Variants in CPT2 observed in about 807,000 individuals in gnomAD.
The protein encoded by CPT2 is carnitine palmitoyltransferase 2.
CPT2 carries 37 observed loss-of-function variants against 48.6 expected under a neutral mutation model. That is an observed-to-expected ratio of 0.76 (90% CI 0.59 to 1.00). The LOEUF (loss-of-function observed/expected upper bound fraction) is 1.00, where lower values mean the gene tolerates loss of function less well. Ranked by LOEUF, CPT2 falls within the 50% of genes least tolerant of loss-of-function variation. The pLI is 0.00. For synonymous variants in CPT2, 319 were observed against 326.9 expected (o/e 0.98, Z 0.26); for missense variants, 772 against 825.6 (o/e 0.94, Z 0.80).
chr1:53,210,986 A>G lies in CPT2; in HGVS notation c.1312A>G (p.Met438Val), dbSNP rs374201361. The G allele has an allele frequency of 3.1e-6, 5 of 1,614,108 alleles. No homozygotes were observed. In the African/African-American group the frequency reaches 6.7e-5, roughly 22 times the overall value. ...TAAKEKFDAT[M>V]KTLTIDCVQF... The stretch of plus-strand genomic sequence containing the variant: ...TGCTAAGGAAAAGTTTGATGCCACC[A>G]TGAAAACCCTCACTATTGACTGCGT... The change falls in exon 4 of 5, where the codon ATG (methionine) becomes GTG (valine). Residue 438 changes from methionine (M) to valine (V), a missense_variant. Met to Val is a conservative substitution (Grantham distance 21). Transcript: ENST00000371486.
chr1:53,197,799 C>T (rs2100256343), intron 1 of CPT2, among the ~76,000 whole-genome samples: 1 of 152,252 alleles, frequency 6.6e-6, no homozygotes, highest in South Asian at 2.1e-4. Flanking sequence ...TCCTTCCTCA[C>T]CCACAGTACC....
In CPT2 at chr1:53,196,993, G is replaced by C; in HGVS notation, c.50G>C (p.Gly17Ala). ...GCCTGGCCCCGGGGCCCCGCGGTTG[G>C]TCCGGGAGCCCCCAGTCGGCCCCTC... Reference protein sequence around the residue: ...LRAWPRGPAVGPGAPSRPLSA... With the variant: ...LRAWPRGPAVAPGAPSRPLSA... The change falls in exon 1 of 5, where the codon GGT becomes GCT. Residue 17 changes from glycine (G) to alanine (A), a missense_variant. By Grantham distance (60) the Gly-to-Ala change is moderately conservative. Coordinates refer to ENST00000371486, the MANE Select transcript of CPT2 (RefSeq NM_000098.3). 6.5e-7 allele frequency: 1 copy of C among 1,531,942 alleles called. No individual in the cohort carries two copies. Among genetic ancestry groups the C allele is most frequent in the Non-Finnish European group, 8.7e-7 (1 of 1,144,418 alleles). 94.9% of individuals were successfully genotyped at this position (1,531,942 alleles called of 1,614,324 possible).
chr1:53,207,797 C>T (rs1401644653), intron 3 of CPT2: 2 of 152,144 alleles, frequency 1.3e-5, no homozygotes, highest in East Asian at 3.8e-4. Flanking sequence ...AAACTTAAGT[C>T]TTCTACAGGA....
At position 53,211,108 on chromosome 1, in the gene CPT2, G is replaced by A. The variant is rs1645423992; in HGVS notation, c.1434G>A (p.Gln478=). ...QLAFQMAFLR[Q]YGQTVATYES... Reference sequence around the variant, plus strand: ...CATTCCAGATGGCCTTCCTGCGGCAGTACGGGCAGACAGTGGCCACCTACG... The same window carrying A: ...CATTCCAGATGGCCTTCCTGCGGCAATACGGGCAGACAGTGGCCACCTACG... The change falls in exon 4 of 5, where the codon CAG becomes CAA. Residue 478 remains glutamine, a synonymous_variant. Coordinates refer to ENST00000371486, the MANE Select transcript of CPT2 (RefSeq NM_000098.3). The A allele has an allele frequency of 6.2e-7, 1 of 1,614,146 alleles. No individual in the cohort carries two copies. Among genetic ancestry groups the A allele is most frequent in the Non-Finnish European group, 8.5e-7 (1 of 1,180,012 alleles).
In CPT2 at chr1:53,211,861, A is replaced by T. The variant is rs1221930330; in HGVS notation, c.1645+542A>T. Among the ~76,000 whole-genome samples the T allele has an allele frequency of 4.0e-5, 6 of 150,976 alleles. No homozygotes were observed. The East Asian group carries it at 1.2e-3, about 30-fold the overall frequency. On this transcript the variant is annotated intron_variant, in intron 4 of 4. Coordinates refer to ENST00000371486, the MANE Select transcript of CPT2 (RefSeq NM_000098.3). ...TGATCCATCCCTCTCAGCCTCCCAA[A>T]GTTCTAGGAATACAGGCGTGAGCCA... is the stretch of plus-strand genomic sequence containing the variant.
chr1:53,211,468 C>G, intron 4 of CPT2, 149 bp downstream of exon 4: 1 of 736,174 alleles, frequency 1.4e-6, no homozygotes, highest in East Asian at 2.7e-5. Context: ...TCTACCCTAG[C>G]AGTCTGAACA....
chr1:53,200,597 G>A (rs550383681), intron 1 of CPT2, 122 bp from the exon 2 acceptor site: 31 of 799,790 alleles, frequency 3.9e-5, no homozygotes, highest in South Asian at 1.2e-4. Context: ...TTTGTCAGTC[G>A]CTTCTGATTA....
At chr1:53,208,737 G>A (rs1645402752) in intron 3 of CPT2, 1 of 152,240 alleles carries the variant, frequency 6.6e-6, no homozygotes, top group Non-Finnish European at 1.5e-5. Context: ...TGCAAGTGGA[G>A]TGTTACCATA....
chr1:53,213,526 T>C lies in CPT2; in HGVS notation c.1908T>C (p.Phe636=). ...SSYPGRNARE[F]LQCVEKALED... ...ACCCAGGCCGCAATGCCCGGGAGTT[T>C]CTCCAATGTGTGGAGAAGGCCTTAG... The change falls in exon 5 of 5, where the codon TTT becomes TTC. Residue 636 remains phenylalanine, a synonymous_variant. Transcript: ENST00000371486. 6.2e-7 allele frequency: 1 copy of C among 1,614,230 alleles called. No homozygotes were observed. The highest frequency in any genetic ancestry group is 8.5e-7 in the Non-Finnish European group (1 of 1,180,044).
intron 1 of CPT2, 39 bp from the exon 2 acceptor site, chr1:53,200,680 T>C: frequency 6.8e-7 from 1 of 1,464,486 alleles, no homozygotes. Context: ...ACCTCTTCCA[T>C]ATACTGTCAG....
chr1:53,211,679 A>C (rs374385569), intron 4 of CPT2: 110 of 300,406 alleles, frequency 3.7e-4, no homozygotes, highest in African/African-American at 2.3e-3. Flanking sequence ...GGCTCACTGC[A>C]ACCTCCACCC....
At position 53,196,892 on chromosome 1, in the gene CPT2, A is replaced by C. The variant is rs1645324105; in HGVS notation, c.-52A>C. ...ACGGCGGCGGCGGCCTTGTGTTTAG[A>C]CTCCAGAACTCCCCACTTGCCGCGT... On this transcript the variant is annotated 5_prime_UTR_variant, in exon 1 of 5. Transcript: ENST00000371486. 3 of 1,526,942 alleles carry C rather than the reference A, an allele frequency of 2.0e-6. No homozygotes were observed. In the South Asian group the frequency reaches 3.6e-5, roughly 18 times the overall value. The allele number at this position is 1,526,942 out of a possible 1,614,324, so 94.6% of individuals were successfully genotyped here. A position where few individuals can be genotyped will look rare whatever the true frequency, so the allele number is the denominator to read the frequency against.
intron 1 of CPT2, chr1:53,200,455 T>C: frequency 2.7e-6 from 1 of 374,258 alleles, no homozygotes; most frequent in South Asian, 2.7e-5. Context: ...AGCTTCTGCT[T>C]CCCCATTTTG....
rs1645421952 is a variant in CPT2 at position 53,210,943 on chromosome 1, A to G, written c.1269A>G (p.Leu423=). 4 of 1,614,058 alleles carry G rather than the reference A, an allele frequency of 2.5e-6. No individual in the cohort carries two copies. The highest frequency in any genetic ancestry group is 3.4e-6 in the Non-Finnish European group (4 of 1,180,034). Residue 423 remains leucine (L), a synonymous_variant, in exon 4 of 5, where the codon TTA becomes TTG. Coordinates refer to ENST00000371486, the MANE Select transcript of CPT2 (RefSeq NM_000098.3). ...QKLNFELTDA[L]KTGITAAKEK... ...TCAACTTCGAGCTGACTGATGCCTT[A>G]AAGACTGGCATCACAGCTGCTAAGG...
In CPT2 at chr1:53,213,679, A is replaced by G. The variant is rs1645446647; in HGVS notation, c.*84A>G. On this transcript the variant is annotated 3_prime_UTR_variant, in exon 5 of 5. Coordinates refer to ENST00000371486, the MANE Select transcript of CPT2 (RefSeq NM_000098.3). ...CATGGTGGCTCATGCCTGTAATCCC[A>G]GCATTTTGAGAGGCTGAGGCGGGTG... 1.6e-6 allele frequency: 2 copies of G among 1,273,996 alleles called. No individual in the cohort carries two copies. Among genetic ancestry groups the G allele is most frequent in the Admixed American group, 3.9e-5 (2 of 51,766 alleles). 78.9% of individuals were successfully genotyped at this position (1,273,996 alleles called of 1,614,324 possible).
At chr1:53,208,211 T>C (rs990566362) in intron 3 of CPT2, 6 of 152,358 alleles carry the variant, frequency 3.9e-5, no homozygotes, top group African/African-American at 1.4e-4. Context: ...CCAGAGTTTT[T>C]CAGAATCAAA....
In CPT2 at chr1:53,210,661, C is replaced by G. The variant is rs201165795; in HGVS notation, c.987C>G (p.Asp329Glu). 1 of 1,614,192 alleles carries G rather than the reference C, an allele frequency of 6.2e-7. No individual in the cohort carries two copies. Among genetic ancestry groups the G allele is most frequent in the East Asian group, 2.2e-5 (1 of 44,886 alleles). The change falls in exon 4 of 5, where the codon GAC becomes GAG. Residue 329 changes from aspartate (D) to glutamate (E), a missense_variant. Coordinates refer to ENST00000371486, the MANE Select transcript of CPT2 (RefSeq NM_000098.3). ...CAGTGTTCTGTCTCTGCCTAGATGA[C>G]TTCCCCATTAAGGACCTTGTCCACT... ...DSAVFCLCLD[D>E]FPIKDLVHLS...
chr1:53,197,752 T>C (rs748304188), intron 1 of CPT2, among the ~76,000 whole-genome samples: 1 of 152,026 alleles, frequency 6.6e-6, no homozygotes, highest in African/African-American at 2.4e-5. Context: ...TTTCACTCTC[T>C]CCAAGCCCTC....
Position 53,210,362 on chromosome 1 carries a change from A to G in CPT2, c.688A>G (p.Ser230Gly), listed in dbSNP as rs1356873155. 6.2e-7 allele frequency: 1 copy of G among 1,614,144 alleles called. No individual in the cohort carries two copies. The highest frequency in any genetic ancestry group is 1.1e-5 in the South Asian group (1 of 91,084). Residue 230 changes from serine to glycine, a missense_variant, in exon 4 of 5, where the codon AGT becomes GGT. Physicochemically the swap from Ser to Gly is moderately conservative, Grantham distance 56. Coordinates refer to ENST00000371486, the MANE Select transcript of CPT2 (RefSeq NM_000098.3). ...CAACTCAACTCGTTTACCCAAACCC[A>G]GTCGGGATGAACTCTTCACTGATGA... is the stretch of plus-strand genomic sequence containing the variant. ...LFNSTRLPKPSRDELFTDDKA... is the reference protein window; with the variant it reads ...LFNSTRLPKPGRDELFTDDKA...
Sources: gnomAD v4.1 joint callset for allele counts (sites outside exome capture counted in the v4.1 genomes callset) on GRCh38, gnomAD v4.1.1 for gene constraint, MANE v1.5 for transcripts, NCBI Gene and HGNC (gene_info 2026-07-23, HGNC 2026-07-21) for gene names.